Variants in MAPK8IP3 observed in about 807,000 individuals in gnomAD.
MAPK8IP3 encodes the protein mitogen-activated protein kinase 8 interacting protein 3.
A neutral mutation model predicts 157.8 loss-of-function variants in MAPK8IP3; 49 were observed. The observed-to-expected ratio is 0.31, with a 90% CI of 0.25 to 0.39. The LOEUF (loss-of-function observed/expected upper bound fraction) is 0.39, where lower values mean the gene tolerates loss of function less well. MAPK8IP3 is among the 10% of genes least tolerant of loss of function. The pLI is 1.00. For synonymous variants in MAPK8IP3, 897 were observed against 777.7 expected (o/e 1.15, Z -2.55); for missense variants, 1,478 against 1,889.4 (o/e 0.78, Z 4.04).
At chr16:1,729,895 G>A (rs562929213) in intron 4 of MAPK8IP3, among the ~76,000 whole-genome samples, 15 of 152,166 alleles carry the variant, frequency 9.9e-5, no homozygotes, top group African/African-American at 3.6e-4. Context: ...GTTTGCAAAT[G>A]TATCTACTCG....
At position 1,741,582 on chromosome 16, in the gene MAPK8IP3, C is replaced by T. The variant is rs2040684752; in HGVS notation, c.603-1750C>T. 2.0e-5 allele frequency among the ~76,000 whole-genome samples: 3 copies of T among 152,134 alleles called. No homozygotes were observed. In the South Asian group the frequency reaches 6.2e-4, roughly 32 times the overall value. ...GTCTGATGGCGTCAGAACTGGGCCT[C>T]AGCAGAGGCGCTCCCCGCACCAGCG... On this transcript the variant is annotated intron_variant, in intron 4 of 31. Transcript: ENST00000610761. The surrounding 1 kb of genome is among the most constrained non-coding windows in gnomAD (Gnocchi z 6.9).
chr16:1,767,519 C>T lies in MAPK8IP3; in HGVS notation c.3238-45C>T, dbSNP rs1265258444. 3.8e-6 allele frequency: 6 copies of T among 1,591,118 alleles called. No individual in the cohort carries two copies. The Admixed American group carries it at 8.5e-5, about 22-fold the overall frequency. On this transcript the variant is annotated intron_variant, in intron 26 of 31. Coordinates refer to ENST00000610761, the MANE Select transcript of MAPK8IP3 (RefSeq NM_001318852.2). ...TGGCAGGTTTGGGGCTCCCCACTTC[C>T]TCTCCTCTCCCCAGCCCTGTTGATG...
At chr16:1,747,510 G>A (rs373008477) in intron 6 of MAPK8IP3, among the ~76,000 whole-genome samples, 12 of 152,318 alleles carry the variant, frequency 7.9e-5, no homozygotes, top group African/African-American at 2.4e-4. Flanking sequence ...TCCCCTGGGT[G>A]TGTCTGTGTC....
At position 1,761,249 on chromosome 16, in the gene MAPK8IP3, C is replaced by T. The variant is rs755666456; in HGVS notation, c.1483C>T (p.Arg495Cys). 1.1e-5 allele frequency: 17 copies of T among 1,613,698 alleles called. 1 individual carries two copies. The highest frequency in any genetic ancestry group is 8.8e-5 in the South Asian group (8 of 91,090). ...AGTGAAGTCCGAGGCCATCATCGCC[C>T]GCCGTGAACCCAAAGAAGAGGCGGA... ...KRVKSEAIIA[R>C]REPKEEAEDV... The change falls in exon 13 of 32, where the codon CGC becomes TGC. Residue 495 changes from arginine to cysteine, a missense_variant. Coordinates refer to ENST00000610761, the MANE Select transcript of MAPK8IP3 (RefSeq NM_001318852.2).
intron 20 of MAPK8IP3, among the ~76,000 whole-genome samples, 158 bp downstream of exon 20, chr16:1,765,336 G>A (rs2917508): frequency 0.19 from 28,752 of 152,156 alleles, 2,879 homozygotes; most frequent in East Asian, 0.34. Flanking sequence ...AGTCAAGTGA[G>A]GCCCTGGGCC....
chr16:1,733,854 T>C (rs1386986386), intron 4 of MAPK8IP3, among the ~76,000 whole-genome samples: 1 of 152,230 alleles, frequency 6.6e-6, no homozygotes, highest in East Asian at 1.9e-4. Context: ...TGCTCTCTTG[T>C]CAGCGCTGCC....
intron 12 of MAPK8IP3, 107 bp downstream of exon 12, chr16:1,760,639 T>C (rs893331258): frequency 3.0e-6 from 4 of 1,351,400 alleles, no homozygotes; most frequent in Non-Finnish European, 3.0e-6. Context: ...GCTCTGTGCA[T>C]AGCCTACCTA....
intron 5 of MAPK8IP3, chr16:1,746,572 G>A (rs1213872520): frequency 3.0e-5 from 5 of 168,502 alleles, no homozygotes; most frequent in Non-Finnish European, 5.1e-5. Context: ...GCCCAGCCTC[G>A]AGCTCTTCAG....
chr16:1,758,200 C>G, intron 9 of MAPK8IP3, 41 bp downstream of exon 9: 1 of 1,609,970 alleles, frequency 6.2e-7, no homozygotes, highest in Non-Finnish European at 8.5e-7. Context: ...CTCTGTGTGA[C>G]GGGGGGAGTG....
chr16:1,731,977 A>G (rs1297641726), intron 4 of MAPK8IP3, among the ~76,000 whole-genome samples: 14 of 152,078 alleles, frequency 9.2e-5, no homozygotes, highest in Admixed American at 9.2e-4. Context: ...GGTTTTCCTC[A>G]GAGAGTCGGG....
chr16:1,736,526 G>A (rs1324512741), intron 4 of MAPK8IP3, among the ~76,000 whole-genome samples: 3 of 64,314 alleles, frequency 4.7e-5, no homozygotes, highest in East Asian at 5.4e-4. Flanking sequence ...GTGTGTGACC[G>A]TCCGTGTGAG....
At chr16:1,734,726 T>G (rs2039546756) in intron 4 of MAPK8IP3, among the ~76,000 whole-genome samples, 1 of 152,246 alleles carries the variant, frequency 6.6e-6, no homozygotes, top group Admixed American at 6.5e-5. Flanking sequence ...TGCCACAACC[T>G]TTGGTCCCTT....
chr16:1,712,553 C>G (rs534301393), intron 1 of MAPK8IP3, among the ~76,000 whole-genome samples: 1 of 152,232 alleles, frequency 6.6e-6, no homozygotes, highest in East Asian at 1.9e-4. Context: ...GATTGCTCTC[C>G]TGGGGCAGAC....
At chr16:1,736,596 A>G (rs1331739460) in intron 4 of MAPK8IP3, among the ~76,000 whole-genome samples, 21 of 31,330 alleles carry the variant, frequency 6.7e-4, no homozygotes, top group Admixed American at 2.2e-3. Flanking sequence ...GTGACCATCC[A>G]TGTGAGCATC....
intron 16 of MAPK8IP3, 123 bp downstream of exon 16, chr16:1,763,129 T>C: frequency 7.6e-7 from 1 of 1,311,212 alleles, no homozygotes; most frequent in Non-Finnish European, 1.1e-6. Context: ...GCTGGCCACA[T>C]GCCAGGGGCC....
At chr16:1,733,856 A>C (rs888810914) in intron 4 of MAPK8IP3, among the ~76,000 whole-genome samples, 17 of 152,216 alleles carry the variant, frequency 1.1e-4, no homozygotes, top group Middle Eastern at 3.2e-3. Flanking sequence ...CTCTCTTGTC[A>C]GCGCTGCCAC....
intron 19 of MAPK8IP3, 80 bp downstream of exon 19, chr16:1,764,539 GAC>G: frequency 6.5e-7 from 1 of 1,528,224 alleles, no homozygotes; most frequent in Non-Finnish European, 8.8e-7. Context: ...CTGGGAGTGA[GAC>G]ACAGGACAGC....
intron 22 of MAPK8IP3, 51 bp downstream of exon 22, chr16:1,766,460 A>G (rs1404713816): frequency 6.2e-7 from 1 of 1,602,474 alleles, no homozygotes; most frequent in Non-Finnish European, 8.5e-7. Flanking sequence ...CAGAGGTGGG[A>G]AGGGCCTCGG....
chr16:1,735,376 G>A (rs919833396), intron 4 of MAPK8IP3, among the ~76,000 whole-genome samples: 10 of 150,632 alleles, frequency 6.6e-5, no homozygotes, highest in African/African-American at 1.7e-4. Context: ...GAGCATCCAC[G>A]TGAGCGTTCG....
Sources: gnomAD v4.1 joint callset for allele counts (sites outside exome capture counted in the v4.1 genomes callset) on GRCh38, gnomAD v4.1.1 for gene constraint, Gnocchi (gnomAD v3.1) non-coding constraint, MANE v1.5 for transcripts, NCBI Gene and HGNC (gene_info 2026-07-23, HGNC 2026-07-21) for gene names.